TASP1: variants seen among roughly 807,000 people sequenced by gnomAD.
The protein encoded by TASP1 is taspase 1, also known as threonine aspartase 1.
In TASP1, 16 loss-of-function variants were observed where a neutral mutation model predicts 56.6. That is an observed-to-expected ratio of 0.28 (90% CI 0.19 to 0.43). The LOEUF (loss-of-function observed/expected upper bound fraction) is 0.43. TASP1 is among the 20% of genes least tolerant of loss of function. The pLI is 1.00. For missense variants in TASP1, 393 were observed against 511.6 expected (o/e 0.77, Z 2.24); for synonymous variants, 179 against 184.2 (o/e 0.97, Z 0.23).
chr20:13,178,988 TTGATTACTATACTTTATATGTATC>T, the TASP1 span, among the ~76,000 whole-genome samples: 1 of 152,270 alleles, frequency 6.6e-6, no homozygotes, highest in African/African-American at 2.4e-5. Flanking sequence ...TTACCCTAAT[TTGATTACTATACTTTATATGTATC>T]CAAACATCAC....
At chr20:13,178,973 G>C in the TASP1 span, among the ~76,000 whole-genome samples, 1 of 152,054 alleles carries the variant, frequency 6.6e-6, no homozygotes, top group Non-Finnish European at 1.5e-5. Flanking sequence ...TGATGAATAT[G>C]CTAGTTACCC....
chr20:13,390,399 G>A lies in TASP1; in HGVS notation c.1224C>T (p.Ile408=), dbSNP rs200585719. The A allele has an allele frequency of 2.0e-5, 32 of 1,613,848 alleles. No individual in the cohort carries two copies. The East Asian group carries it at 5.3e-4, about 27-fold the overall frequency. Residue 408 remains isoleucine, a synonymous_variant, in exon 14 of 14, where the codon ATC becomes ATT. Transcript: ENST00000337743. ...PGAVAGQSVA[I]EGGVCRLESP... is the part of the protein sequence containing the mutation. ...TCTCCAGGCGGCACACCCCACCTTCGATTGCCACAGACTGTCCTGCCACCG... is the reference window on the plus strand; with the variant it reads ...TCTCCAGGCGGCACACCCCACCTTCAATTGCCACAGACTGTCCTGCCACCG...
At chr20:13,167,591 T>C in the TASP1 span, 7 of 152,198 alleles carry the variant, frequency 4.6e-5, no homozygotes, top group Non-Finnish European at 1.0e-4. Flanking sequence ...TTCCAGATGA[T>C]ATTTGTAAGG....
intron 13 of TASP1, among the ~76,000 whole-genome samples, chr20:13,392,007 T>A (rs1026288457): frequency 6.6e-6 from 1 of 150,386 alleles, no homozygotes; most frequent in African/African-American, 2.4e-5. Context: ...TGAGCTTAAA[T>A]TTCTCTTTAG....
chr20:13,467,108 A>C (rs755904805), intron 11 of TASP1, among the ~76,000 whole-genome samples: 1 of 151,890 alleles, frequency 6.6e-6, no homozygotes, highest in Non-Finnish European at 1.5e-5. Flanking sequence ...TATATGCTTC[A>C]CCTAGATTCT....
rs949527860 is a variant in TASP1, at chr20:13,417,358, T to C, written c.1170+90A>G. On this transcript the variant is annotated intron_variant, in intron 13 of 13. Transcript: ENST00000337743. ...CACAAAGCTACTGCCCAAAAAAAGC[T>C]GAAAAAATTCATCCACATCAACTTA... 2.1e-6 allele frequency: 3 copies of C among 1,414,648 alleles called. No homozygotes were observed. The African/African-American group carries it at 4.3e-5, about 20-fold the overall frequency. The allele number at this position is 1,414,648 out of a possible 1,614,324, so 87.6% of individuals were successfully genotyped here. A position where few individuals can be genotyped will look rare whatever the true frequency, so the allele number is the denominator to read the frequency against.
intron 7 of TASP1, among the ~76,000 whole-genome samples, chr20:13,561,611 C>A (rs1335510309): frequency 6.6e-6 from 1 of 152,130 alleles, no homozygotes; most frequent in East Asian, 1.9e-4. Flanking sequence ...AGGTGATTCG[C>A]CCGCATCAGC....
intron 11 of TASP1, among the ~76,000 whole-genome samples, chr20:13,462,726 C>T (rs189514679): frequency 1.3e-3 from 194 of 152,082 alleles, no homozygotes; most frequent in African/African-American, 4.3e-3. Flanking sequence ...TTTCTATATA[C>T]TAATAATGAA....
At chr20:13,318,136 A>AAATAAATAAAT in the TASP1 span, among the ~76,000 whole-genome samples, 1 of 145,038 alleles carries the variant, frequency 6.9e-6, no homozygotes, top group African/African-American at 2.5e-5. Context: ...GACACTTGAA[A>AAATAAATAAAT]AAATAAATAA....
At position 13,398,493 on chromosome 20, in the gene TASP1, T is replaced by C. The variant is rs141876714; in HGVS notation, c.1171-8041A>G. On this transcript the variant is annotated intron_variant, in intron 13 of 13. Transcript: ENST00000337743. ...ACATGAGCACAGAAAGGTTCAGACA[T>C]CCTGCATTCAAAAGACCTGTGTGAC... is the stretch of plus-strand genomic sequence containing the variant. 4.5e-3 allele frequency among the ~76,000 whole-genome samples: 689 copies of C among 152,292 alleles called. 4 individuals carry two copies. The highest frequency in any genetic ancestry group is 0.015 in the African/African-American group (616 of 41,554).
chr20:13,352,780 C>T, the TASP1 span, among the ~76,000 whole-genome samples: 2 of 152,174 alleles, frequency 1.3e-5, no homozygotes, highest in African/African-American at 2.4e-5. Flanking sequence ...AGATAATACA[C>T]AAGAAAATAC....
intron 8 of TASP1, among the ~76,000 whole-genome samples, chr20:13,552,528 TA>T (rs1209074153): frequency 6.6e-6 from 1 of 152,162 alleles, no homozygotes; most frequent in African/African-American, 2.4e-5. Context: ...CAGAGGAACT[TA>T]CTAAAGAGGA....
chr20:13,189,049 C>G, the TASP1 span, among the ~76,000 whole-genome samples: 1 of 152,086 alleles, frequency 6.6e-6, no homozygotes, highest in South Asian at 2.1e-4. Context: ...CGTTTTTTGT[C>G]TATAAATTTG....
At chr20:13,193,910 T>C in the TASP1 span, among the ~76,000 whole-genome samples, 1 of 152,192 alleles carries the variant, frequency 6.6e-6, no homozygotes, top group Non-Finnish European at 1.5e-5. Context: ...GACTTCTGTT[T>C]ACATCTTATT....
intron 12 of TASP1, among the ~76,000 whole-genome samples, chr20:13,417,854 T>C (rs1390987704): frequency 6.6e-6 from 1 of 152,142 alleles, no homozygotes; most frequent in African/African-American, 2.4e-5. Context: ...TATTCCATAG[T>C]GTGTTTTATT....
At chr20:13,600,390 T>C (rs1390732560) in intron 4 of TASP1, among the ~76,000 whole-genome samples, 1 of 152,148 alleles carries the variant, frequency 6.6e-6, no homozygotes, top group Non-Finnish European at 1.5e-5. Context: ...AATTTAGATA[T>C]ATAGATGAAA....
At chr20:13,435,813 C>T (rs2042982993) in intron 11 of TASP1, among the ~76,000 whole-genome samples, 1 of 151,984 alleles carries the variant, frequency 6.6e-6, no homozygotes, top group Non-Finnish European at 1.5e-5. Flanking sequence ...CAAGTGAGCA[C>T]GTGGAAAATA....
intron 4 of TASP1, among the ~76,000 whole-genome samples, chr20:13,612,495 C>CACAG (rs1201358665): frequency 7.1e-6 from 1 of 140,772 alleles, no homozygotes; most frequent in Non-Finnish European, 1.6e-5. Context: ...GTAGCAAACA[C>CACAG]ACACACACAC....
At chr20:13,141,410 TA>T in the TASP1 span, among the ~76,000 whole-genome samples, 1 of 152,202 alleles carries the variant, frequency 6.6e-6, no homozygotes, top group Non-Finnish European at 1.5e-5. Flanking sequence ...ACACTTGGTT[TA>T]AAAAAAATCT....
Sources: allele counts gnomAD v4.1 joint callset (sites outside exome capture counted in the v4.1 genomes callset), GRCh38; gene constraint gnomAD v4.1.1; transcripts MANE v1.5; gene names NCBI Gene and HGNC (gene_info 2026-07-23, HGNC 2026-07-21).